Variants in GRIN2A observed in about 807,000 individuals in gnomAD.
GRIN2A encodes glutamate receptor ionotropic, NMDA 2A.
A neutral mutation model predicts 113.4 loss-of-function variants in GRIN2A; 22 were observed. The observed-to-expected ratio is 0.19, with a 90% CI of 0.14 to 0.28. The LOEUF is 0.28. GRIN2A is among the 10% of genes least tolerant of loss of function. GRIN2A has a pLI of 1.00. For missense variants in GRIN2A, 1,502 were observed against 1,887.0 expected, an observed-to-expected ratio of 0.80 and a Z score of 3.78; for synonymous variants, 827 against 738.4, an observed-to-expected ratio of 1.12 and a Z score of -1.94.
At chr16:9,786,929 A>C (rs1156231872) in intron 11 of GRIN2A, among the ~76,000 whole-genome samples, 1 of 152,226 alleles carries the variant, frequency 6.6e-6, no homozygotes, top group Non-Finnish European at 1.5e-5. Flanking sequence ...AAGGGACCTG[A>C]AGAGTCACAT....
At chr16:9,775,265 AAG>A (rs1483250467) in intron 11 of GRIN2A, among the ~76,000 whole-genome samples, 1 of 152,184 alleles carries the variant, frequency 6.6e-6, no homozygotes, top group Non-Finnish European at 1.5e-5. Context: ...GAAAGATGAA[AAG>A]AGAGAGTATG....
In GRIN2A at chr16:9,763,306, G is replaced by A. The variant is rs2141125236; in HGVS notation, c.4238C>T (p.Ser1413Phe). Residue 1413 changes from serine to phenylalanine, a missense_variant, in exon 13 of 13, where the codon TCC (serine) becomes TTC (phenylalanine). This residue lies in a region of GRIN2A where 832 missense variants were observed against 789.7 expected (regional missense o/e 1.05). Coordinates refer to ENST00000330684, the MANE Select transcript of GRIN2A (RefSeq NM_001134407.3). Reference sequence around the variant, plus strand: ...ATCATTGTGGCCCCGACTGTCCCTGGAACAGTACGATGCCGTTGACCTCAA... The same window carrying A: ...ATCATTGTGGCCCCGACTGTCCCTGAAACAGTACGATGCCGTTGACCTCAA... ...SSLRSTASYC[S>F]RDSRGHNDVY... is the part of the protein sequence containing the mutation. 3 of 1,614,120 alleles carry A rather than the reference G, an allele frequency of 1.9e-6. No individual in the cohort carries two copies. The highest frequency in any genetic ancestry group is 1.1e-5 in the South Asian group (1 of 91,070).
At chr16:9,829,932 T>C (rs2042458406) in intron 8 of GRIN2A, among the ~76,000 whole-genome samples, 1 of 152,206 alleles carries the variant, frequency 6.6e-6, no homozygotes, top group Non-Finnish European at 1.5e-5. Flanking sequence ...GAATAAGTAG[T>C]GTTATGACCT....
rs75272984 is a variant in GRIN2A, at chr16:9,763,028, C to A, written c.*121G>T. ...GCAAAAGAGCCAACAACAACAACAA[C>A]AAAATACCTCCCTACATCTTCTTCC... On this transcript the variant is annotated 3_prime_UTR_variant, in exon 13 of 13. Transcript: ENST00000330684. The A allele has an allele frequency of 4.5e-3, 4,594 of 1,018,822 alleles. 128 individuals carry two copies. In the African/African-American group the frequency reaches 0.063, roughly 14 times the overall value. 63.1% of individuals were successfully genotyped at this position (1,018,822 alleles called of 1,614,324 possible). A position where few individuals can be genotyped will look rare whatever the true frequency, so the allele number is the denominator to read the frequency against.
intron 2 of GRIN2A, among the ~76,000 whole-genome samples, chr16:10,121,130 G>A (rs1045292773): frequency 3.9e-5 from 6 of 152,056 alleles, no homozygotes; most frequent in African/African-American, 1.4e-4. Context: ...AGAAGGGTGG[G>A]GCAACCACAA....
At position 10,170,136 on chromosome 16, in the gene GRIN2A, T is replaced by G. The variant is rs564859503; in HGVS notation, c.414+9862A>C. Among the ~76,000 whole-genome samples, 3 of 152,320 alleles carry G rather than the reference T, an allele frequency of 2.0e-5. No homozygotes were observed. The South Asian group carries it at 6.2e-4, about 32-fold the overall frequency. On this transcript the variant is annotated intron_variant, in intron 2 of 12. Transcript: ENST00000330684. ...TCTAAAGACATTAAAATTCAAGCAT[T>G]TAAAAATGCTGTACTGGTGAAACAA... is the stretch of plus-strand genomic sequence containing the variant.
intron 2 of GRIN2A, among the ~76,000 whole-genome samples, chr16:10,036,309 G>C (rs1567250437): frequency 1.3e-5 from 2 of 151,962 alleles, no homozygotes; most frequent in Non-Finnish European, 2.9e-5. Flanking sequence ...CAAGGTGTCG[G>C]TGGTTCCCTC....
chr16:10,126,165 A>T lies in GRIN2A; in HGVS notation c.414+53833T>A, dbSNP rs397832633. On this transcript the variant is annotated intron_variant, in intron 2 of 12. Transcript: ENST00000330684. ...TGAGTTGATGGATTTCTTTATATAT[A>T]TATATATTTTTTTTTGAGATAGGAT... Among the ~76,000 whole-genome samples, 21 of 71,530 alleles carry T rather than the reference A, an allele frequency of 2.9e-4. 1 individual carries two copies. Among genetic ancestry groups the T allele is most frequent in the African/African-American group, 4.2e-4 (9 of 21,422 alleles). 46.9% of individuals were successfully genotyped at this position (71,530 alleles called of 152,430 possible).
At chr16:10,126,171 A>ATTT (rs386419082) in intron 2 of GRIN2A, among the ~76,000 whole-genome samples, 2 of 150,262 alleles carry the variant, frequency 1.3e-5, no homozygotes, top group Admixed American at 6.6e-5. Flanking sequence ...ATATATATAT[A>ATTT]TTTTTTTTTG....
At chr16:9,846,109 C>G (rs2042767902) in intron 5 of GRIN2A, among the ~76,000 whole-genome samples, 1 of 152,136 alleles carries the variant, frequency 6.6e-6, no homozygotes. Context: ...ATTCCTGACC[C>G]CAAAACATGG....
chr16:10,089,252 T>C (rs748977046), intron 2 of GRIN2A, among the ~76,000 whole-genome samples: 1 of 152,176 alleles, frequency 6.6e-6, no homozygotes, highest in Non-Finnish European at 1.5e-5. Context: ...AGGAGAAATA[T>C]ACATTAATCA....
intron 2 of GRIN2A, among the ~76,000 whole-genome samples, chr16:10,033,511 C>A (rs2141932739): frequency 6.6e-6 from 1 of 152,300 alleles, no homozygotes; most frequent in East Asian, 1.9e-4. Flanking sequence ...TAGAACAGGG[C>A]CATGATCTTC....
intron 2 of GRIN2A, among the ~76,000 whole-genome samples, chr16:10,079,224 C>T (rs1455846574): frequency 6.6e-6 from 1 of 151,854 alleles, no homozygotes; most frequent in Admixed American, 6.6e-5. Flanking sequence ...TGGATAATAA[C>T]AACCAAAAAA....
At chr16:9,876,080 T>C (rs2043359917) in intron 4 of GRIN2A, among the ~76,000 whole-genome samples, 1 of 152,092 alleles carries the variant, frequency 6.6e-6, no homozygotes, top group African/African-American at 2.4e-5. Context: ...CACCAAGCTC[T>C]GTGCCAAAGG....
chr16:10,180,278 T>C lies in GRIN2A; in HGVS notation c.134A>G (p.Asp45Gly). ...NIAVMLGHSH[D>G]VTERELRTLW... ...TGTTCGAAGTTCGCGCTCTGTCACG[T>C]CGTGGCTGTGACCCAGCATCACCGC... The change falls in exon 2 of 13, where the codon GAC (aspartate) becomes GGC (glycine). Residue 45 changes from aspartate to glycine, a missense_variant. Asp to Gly is a moderately conservative substitution (Grantham distance 94). This residue lies in a region of GRIN2A where 149 missense variants were observed against 179.1 expected (regional missense o/e 0.83). Transcript: ENST00000330684. This position sits in a 1 kb window ranked among gnomAD's most constrained non-coding sequence, Gnocchi z 7.0. 3.7e-6 allele frequency: 6 copies of C among 1,613,388 alleles called. No homozygotes were observed. The highest frequency in any genetic ancestry group is 5.1e-6 in the Non-Finnish European group (6 of 1,180,000).
Position 10,078,611 on chromosome 16 carries a change from A to G in GRIN2A, c.414+101387T>C, listed in dbSNP as rs1026245638. On this transcript the variant is annotated intron_variant, in intron 2 of 12. Transcript: ENST00000330684. ...AGGCCACGTAGTCATGTCCCCATGG[A>G]GAATGCAGCTGCTCCTCTGTGCTCT... Among the ~76,000 whole-genome samples, 4 of 152,152 alleles carry G rather than the reference A, an allele frequency of 2.6e-5. 1 individual carries two copies. The highest frequency in any genetic ancestry group is 9.7e-5 in the African/African-American group (4 of 41,436).
At position 9,759,807 on chromosome 16, in the gene GRIN2A, C is replaced by A. The variant is rs559826985; in HGVS notation, c.*3342G>T. ...ATAGACCTATAGGGACTTGCCAGCTCAGAGCATTGAAACCATAAGTGGCCT... is the reference window on the plus strand; with the variant it reads ...ATAGACCTATAGGGACTTGCCAGCTAAGAGCATTGAAACCATAAGTGGCCT... On this transcript the variant is annotated 3_prime_UTR_variant, in exon 13 of 13. Coordinates refer to ENST00000330684, the MANE Select transcript of GRIN2A (RefSeq NM_001134407.3). 1.1e-4 allele frequency: 25 copies of A among 229,228 alleles called. No homozygotes were observed. Among genetic ancestry groups the A allele is most frequent in the Middle Eastern group, 1.3e-3 (1 of 756 alleles). 14.2% of individuals were successfully genotyped at this position (229,228 alleles called of 1,614,324 possible).
chr16:9,931,376 A>G (rs2044591108), intron 3 of GRIN2A, among the ~76,000 whole-genome samples: 1 of 152,182 alleles, frequency 6.6e-6, no homozygotes, highest in Non-Finnish European at 1.5e-5. Context: ...TTATTTGTAA[A>G]ATGCCTTCTC....
chr16:9,966,397 C>T (rs1875204), intron 2 of GRIN2A, among the ~76,000 whole-genome samples: 2 of 151,956 alleles, frequency 1.3e-5, no homozygotes, highest in African/African-American at 4.8e-5. Context: ...GTGTTAGTTT[C>T]CTAAGGATAA....
Sources: gnomAD v4.1 joint callset for allele counts (sites outside exome capture counted in the v4.1 genomes callset) on GRCh38, gnomAD v4.1.1 for gene constraint, gnomAD v4.1.1 regional missense constraint, Gnocchi (gnomAD v3.1) non-coding constraint, MANE v1.5 for transcripts, NCBI Gene and HGNC (gene_info 2026-07-23, HGNC 2026-07-21) for gene names.